SPHKAP: variants seen among roughly 807,000 people sequenced by gnomAD.
SPHKAP encodes SPHK1 interactor, AKAP domain containing.
In SPHKAP, 67 loss-of-function variants were observed where a neutral mutation model predicts 137.5. The ratio of observed to expected loss-of-function variants is 0.49; its 90% CI spans 0.40 to 0.60. SPHKAP has a LOEUF of 0.60. Ranked by LOEUF, SPHKAP falls within the 20% of genes least tolerant of loss-of-function variation. The pLI is 0.00. For missense variants in SPHKAP, 2,097 were observed against 2,069.3 expected, an observed-to-expected ratio of 1.01 and a Z score of -0.26; for synonymous variants, 813 against 785.3, an observed-to-expected ratio of 1.04 and a Z score of -0.59.
chr2:228,162,523 T>G (rs899635405), intron 1 of SPHKAP, among the ~76,000 whole-genome samples: 1 of 152,190 alleles, frequency 6.6e-6, no homozygotes, highest in African/African-American at 2.4e-5. Context: ...ATTCAAAAGT[T>G]GTCAACATGC....
At position 228,017,278 on chromosome 2, in the gene SPHKAP, C is replaced by A; in HGVS notation, c.3576G>T (p.Glu1192Asp). The A allele has an allele frequency of 6.2e-7, 1 of 1,614,086 alleles. No homozygotes were observed. Among genetic ancestry groups the A allele is most frequent in the Non-Finnish European group, 8.5e-7 (1 of 1,180,024 alleles). ...SKQSSTESIT[E>D]EFYRYMLRDI... ...CCCTCAGCATGTACCTGTAGAACTC[C>A]TCAGTGATGCTCTCTGTGCTGGACT... is the stretch of plus-strand genomic sequence containing the variant. Residue 1192 changes from glutamate to aspartate, a missense_variant, in exon 7 of 12, where the codon GAG (glutamate) becomes GAT (aspartate). By Grantham distance (45) the Glu-to-Asp change is conservative. Coordinates refer to ENST00000392056, the MANE Select transcript of SPHKAP (RefSeq NM_001142644.2).
intron 11 of SPHKAP, among the ~76,000 whole-genome samples, chr2:227,988,517 C>T (rs908190909): frequency 6.6e-6 from 1 of 152,178 alleles, no homozygotes; most frequent in African/African-American, 2.4e-5. Context: ...TTGTGAGACA[C>T]CTCTTACCCT....
In SPHKAP at chr2:228,018,782, T is replaced by C. The variant is rs775388125; in HGVS notation, c.2072A>G (p.Asp691Gly). Residue 691 changes from aspartate (D) to glycine (G), a missense_variant, in exon 7 of 12, where the codon GAC becomes GGC. Asp to Gly is a moderately conservative substitution (Grantham distance 94). Transcript: ENST00000392056. ...AGATGAATGCCTGTTGTCATTGGGG[T>C]CGATTATCATATTTTTGTGGTGAAC... is the stretch of plus-strand genomic sequence containing the variant. ...DEVHHKNMII[D>G]PNDNRHSSEI... The C allele has an allele frequency of 2.5e-6, 4 of 1,614,138 alleles. No individual in the cohort carries two copies. In the South Asian group the frequency reaches 4.4e-5, roughly 18 times the overall value.
chr2:228,123,976 T>C (rs1248248740), intron 2 of SPHKAP, among the ~76,000 whole-genome samples: 3 of 151,930 alleles, frequency 2.0e-5, no homozygotes, highest in African/African-American at 7.2e-5. Flanking sequence ...AAAAGACACA[T>C]GAAAAAATGC....
At position 227,998,042 on chromosome 2, in the gene SPHKAP, T is replaced by C. The variant is rs897128544; in HGVS notation, c.4449-2348A>G. On this transcript the variant is annotated intron_variant, in intron 7 of 11. Coordinates refer to ENST00000392056, the MANE Select transcript of SPHKAP (RefSeq NM_001142644.2). The stretch of plus-strand genomic sequence containing the variant: ...GTTTGTTTGAGACAAAGTCTTGCTT[T>C]GATGCCCAGGCTGAAGTGCAGTAGC... 7.2e-5 allele frequency among the ~76,000 whole-genome samples: 11 copies of C among 152,338 alleles called. No homozygotes were observed. The East Asian group carries it at 2.1e-3, about 29-fold the overall frequency.
chr2:227,982,393 C>G (rs1693034148), intron 11 of SPHKAP: 1 of 982,810 alleles, frequency 1.0e-6, no homozygotes, highest in Admixed American at 6.1e-5. Flanking sequence ...GAAAGCCTGG[C>G]TTTCCACAGC....
intron 2 of SPHKAP, among the ~76,000 whole-genome samples, chr2:228,120,414 T>C (rs764202301): frequency 2.0e-5 from 3 of 152,124 alleles, no homozygotes; most frequent in African/African-American, 7.2e-5. Flanking sequence ...AGGATATAAT[T>C]TGAGCACAAA....
At chr2:228,007,914 ATGGATT>A (rs1381010272) in intron 7 of SPHKAP, among the ~76,000 whole-genome samples, 1 of 152,204 alleles carries the variant, frequency 6.6e-6, no homozygotes, top group Admixed American at 6.5e-5. Context: ...TCAACTAAAA[ATGGATT>A]AAATACTTAA....
chr2:228,072,400 G>A (rs1344768191), intron 3 of SPHKAP, among the ~76,000 whole-genome samples: 1 of 152,072 alleles, frequency 6.6e-6, no homozygotes, highest in East Asian at 1.9e-4. Context: ...GGGAACCCGA[G>A]AAGATGAGTT....
At chr2:227,982,528 G>GA (rs1440216988) in intron 11 of SPHKAP, among the ~76,000 whole-genome samples, 1 of 152,130 alleles carries the variant, frequency 6.6e-6, no homozygotes, top group African/African-American at 2.4e-5. Flanking sequence ...TTGAAGGGAG[G>GA]AAAAATGGAG....
At chr2:228,169,251 T>A (rs1574915652) in intron 1 of SPHKAP, among the ~76,000 whole-genome samples, 1 of 152,214 alleles carries the variant, frequency 6.6e-6, no homozygotes, top group East Asian at 1.9e-4. Context: ...AGATTTTCAA[T>A]GTAAATGAAA....
chr2:228,129,808 T>C (rs542327836), intron 2 of SPHKAP, among the ~76,000 whole-genome samples: 2 of 150,566 alleles, frequency 1.3e-5, no homozygotes, highest in Admixed American at 1.3e-4. Flanking sequence ...CTTTTTTTTT[T>C]TTTTTTGAGA....
At chr2:227,994,995 C>A (rs547293861) in intron 8 of SPHKAP, among the ~76,000 whole-genome samples, 5 of 152,338 alleles carry the variant, frequency 3.3e-5, no homozygotes, top group African/African-American at 9.6e-5. Flanking sequence ...TGTCTCCTGA[C>A]TGGCTTGAGC....
At chr2:228,169,476 A>G (rs1700517914) in intron 1 of SPHKAP, among the ~76,000 whole-genome samples, 1 of 152,110 alleles carries the variant, frequency 6.6e-6, no homozygotes, top group African/African-American at 2.4e-5. Context: ...TGCTCTGTAA[A>G]TGGAACAAAG....
chr2:227,981,724 A>T lies in SPHKAP; in HGVS notation c.5096T>A (p.Leu1699Gln), dbSNP rs1424726208. Residue 1699 changes from leucine to glutamine, a missense_variant, in exon 12 of 12, where the codon CTG becomes CAG. Leu to Gln is a moderately radical substitution (Grantham distance 113). Coordinates refer to ENST00000392056, the MANE Select transcript of SPHKAP (RefSeq NM_001142644.2). ...ATACGGCAGACTGCCTTATTATCCC[A>T]GTTCCAAGAGCCAGTCAAAGAGACT... ...RLSLFDWLLELG is the reference protein window; with the variant it reads ...RLSLFDWLLEQG 1 of 1,612,944 alleles carries T rather than the reference A, an allele frequency of 6.2e-7. No individual in the cohort carries two copies. The highest frequency in any genetic ancestry group is 8.5e-7 in the Non-Finnish European group (1 of 1,179,450).
chr2:228,008,402 T>G (rs1023277400), intron 7 of SPHKAP, among the ~76,000 whole-genome samples: 7 of 151,950 alleles, frequency 4.6e-5, no homozygotes, highest in Non-Finnish European at 1.5e-5. Context: ...GTTCAAGAGA[T>G]TCTCCTGTCT....
intron 2 of SPHKAP, among the ~76,000 whole-genome samples, chr2:228,114,755 G>C (rs1171204374): frequency 6.6e-6 from 1 of 152,048 alleles, no homozygotes; most frequent in Non-Finnish European, 1.5e-5. Flanking sequence ...TTTATAATTT[G>C]TGATGTGCCA....
At position 228,017,168 on chromosome 2, in the gene SPHKAP, C is replaced by A; in HGVS notation, c.3686G>T (p.Arg1229Leu). The change falls in exon 7 of 12, where the codon CGA becomes CTA. Residue 1229 changes from arginine to leucine, a missense_variant. By Grantham distance (102) the Arg-to-Leu change is moderately radical. Transcript: ENST00000392056. ...CGACTGTCTGTGGCACACTGGGGAT[C>A]GCAGAGAAGGAGACAGCAGGCCGGC... ...WTAGLLSPSL[R>L]SPVCHRQSSM... is the part of the protein sequence containing the mutation. 4.3e-6 allele frequency: 7 copies of A among 1,613,876 alleles called. No individual in the cohort carries two copies. Among genetic ancestry groups the A allele is most frequent in the Middle Eastern group, 1.6e-4 (1 of 6,062 alleles).
intron 3 of SPHKAP, among the ~76,000 whole-genome samples, chr2:228,034,276 C>A (rs1695483102): frequency 6.6e-6 from 1 of 152,174 alleles, no homozygotes; most frequent in South Asian, 2.1e-4. Context: ...ACTAGAAAAT[C>A]TAGAAGAAAT....
Sources: gnomAD v4.1 joint callset for allele counts (sites outside exome capture counted in the v4.1 genomes callset) on GRCh38, gnomAD v4.1.1 for gene constraint, MANE v1.5 for transcripts, NCBI Gene and HGNC (gene_info 2026-07-23, HGNC 2026-07-21) for gene names.